The following KIF14 variants were observed in gnomAD, a reference collection of about 807,000 sequenced individuals.
KIF14 encodes kinesin family member 14, also known as kinesin-like protein KIF14.
KIF14 carries 98 observed loss-of-function variants against 176.2 expected under a neutral mutation model. That is an observed-to-expected ratio of 0.56 (90% CI 0.47 to 0.66). KIF14 has a LOEUF of 0.66. KIF14 is among the 30% of genes least tolerant of loss of function. KIF14 has a pLI of 0.00. For missense variants in KIF14, 1,751 were observed against 1,920.4 expected, an observed-to-expected ratio of 0.91 and a Z score of 1.65; for synonymous variants, 566 against 632.2, an observed-to-expected ratio of 0.90 and a Z score of 1.57.
chr1:200,565,761 C>T (rs1571467909), intron 23 of KIF14, 92 bp from the exon 24 acceptor site: 1 of 795,516 alleles, frequency 1.3e-6, no homozygotes, highest in Non-Finnish European at 2.0e-6. Flanking sequence ...TGTACTTCTG[C>T]ATTACTGAAA....
chr1:200,579,824 G>T (rs1345678591), intron 21 of KIF14, among the ~76,000 whole-genome samples: 6 of 152,092 alleles, frequency 3.9e-5, no homozygotes, highest in Non-Finnish European at 8.8e-5. Context: ...GCAGCAGGCA[G>T]TTGGAAGCAC....
At chr1:200,615,724 T>C in intron 2 of KIF14, 115 bp from the exon 3 acceptor site, 2 of 923,158 alleles carry the variant, frequency 2.2e-6, no homozygotes, top group East Asian at 2.7e-5. Flanking sequence ...GGCAAGATAA[T>C]TCTGTAGTTT....
intron 14 of KIF14, among the ~76,000 whole-genome samples, chr1:200,596,589 G>C (rs1170230765): frequency 9.3e-6 from 1 of 107,774 alleles, no homozygotes; most frequent in Non-Finnish European, 1.7e-5. Context: ...TTTTGAGTTA[G>C]AGTCTCACTC....
intron 16 of KIF14, among the ~76,000 whole-genome samples, chr1:200,590,673 C>G (rs935779134): frequency 1.1e-4 from 16 of 152,282 alleles, no homozygotes; most frequent in African/African-American, 3.8e-4. Flanking sequence ...TACAGAGTTT[C>G]AGTTTGGAAT....
chr1:200,592,521 G>A (rs753426934), intron 15 of KIF14, among the ~76,000 whole-genome samples: 8 of 152,050 alleles, frequency 5.3e-5, no homozygotes, highest in South Asian at 2.1e-4. Flanking sequence ...GATTACAGGC[G>A]TGTGCCACCA....
rs756478767 is a variant in KIF14 at position 200,600,123 on chromosome 1, G to A, written c.2301-10C>T. ...CTTTTCTTTCCACACTCTTTCCAAA[G>A]ACAAAGAAAATAACAGAGTTAAAAA... On this transcript the variant is annotated splice_polypyrimidine_tract_variant and intron_variant, in intron 12 of 29. Coordinates refer to ENST00000367350, the MANE Select transcript of KIF14 (RefSeq NM_014875.3). 18 of 1,584,046 alleles carry A rather than the reference G, an allele frequency of 1.1e-5. 1 individual carries two copies. The highest frequency in any genetic ancestry group is 6.7e-5 in the East Asian group (3 of 44,638).
At position 200,565,431 on chromosome 1, in the gene KIF14, G is replaced by A. The variant is rs555370060; in HGVS notation, c.3886+14C>T. The A allele has an allele frequency of 6.0e-4, 937 of 1,550,912 alleles. 17 individuals carry two copies. In the South Asian group the frequency reaches 0.011, roughly 18 times the overall value. On this transcript the variant is annotated intron_variant, in intron 24 of 29. Coordinates refer to ENST00000367350, the MANE Select transcript of KIF14 (RefSeq NM_014875.3). ...TCATTTATGTGAGTTAACAAAAGCA[G>A]TGAGATTGCTTACAGTTATCTTGAC...
chr1:200,555,545 C>A (rs1656789500), intron 27 of KIF14, 91 bp from the exon 28 acceptor site: 1 of 643,404 alleles, frequency 1.6e-6, no homozygotes, highest in Non-Finnish European at 2.4e-6. Flanking sequence ...TTAAAAAATT[C>A]TAGTCTAGAA....
At chr1:200,589,121 G>T in intron 18 of KIF14, 96 bp downstream of exon 18, 3 of 920,502 alleles carry the variant, frequency 3.3e-6, no homozygotes, top group Non-Finnish European at 4.9e-6. Context: ...ACCTGGATTT[G>T]GCTCTCTTCT....
At chr1:200,600,525 C>A in intron 11 of KIF14, 22 bp from the exon 12 acceptor site, 1 of 1,549,950 alleles carries the variant, frequency 6.5e-7, no homozygotes, top group South Asian at 1.1e-5. Context: ...TACAAAGATG[C>A]ATTAATAATA....
rs1659164149 is a variant in KIF14, at chr1:200,593,652, C to T, written c.2652+15G>A. ...AGTCGAACAGTTTCTTATATTATAGCACCCATCCACTTACATGACGTAATA... is the reference window on the plus strand; with the variant it reads ...AGTCGAACAGTTTCTTATATTATAGTACCCATCCACTTACATGACGTAATA... On this transcript the variant is annotated intron_variant, in intron 15 of 29. Transcript: ENST00000367350. 4.2e-6 allele frequency: 6 copies of T among 1,427,002 alleles called. No homozygotes were observed. The highest frequency in any genetic ancestry group is 9.9e-7 in the Non-Finnish European group (1 of 1,010,344). 88.4% of individuals were successfully genotyped at this position (1,427,002 alleles called of 1,614,324 possible).
chr1:200,566,773 A>G (rs536269417), intron 23 of KIF14, among the ~76,000 whole-genome samples: 1 of 152,146 alleles, frequency 6.6e-6, no homozygotes, highest in South Asian at 2.1e-4. Flanking sequence ...TGGTGGGATT[A>G]ATTTTCCCTA....
intron 18 of KIF14, among the ~76,000 whole-genome samples, chr1:200,587,159 G>A (rs906979665): frequency 2.0e-5 from 3 of 152,036 alleles, no homozygotes; most frequent in African/African-American, 7.2e-5. Context: ...TGAACTGTGT[G>A]CACTCCTGGT....
intron 6 of KIF14, among the ~76,000 whole-genome samples, chr1:200,606,282 C>A (rs1003602804): frequency 6.6e-6 from 1 of 152,070 alleles, no homozygotes; most frequent in Non-Finnish European, 1.5e-5. Flanking sequence ...TACTTAATAA[C>A]TTTTCCTTTC....
intron 3 of KIF14, among the ~76,000 whole-genome samples, chr1:200,614,737 C>T (rs1289211936): frequency 2.1e-5 from 3 of 143,778 alleles, no homozygotes; most frequent in Non-Finnish European, 3.0e-5. Flanking sequence ...GACCCCTCCA[C>T]GCTGTGGACT....
At chr1:200,608,773 T>C (rs553360453) in intron 5 of KIF14, 57 bp downstream of exon 5, 4 of 1,052,232 alleles carry the variant, frequency 3.8e-6, no homozygotes, top group East Asian at 5.0e-5. Flanking sequence ...CTCAAATAAT[T>C]AGATACATTT....
At chr1:200,604,754 G>A (rs570561911) in intron 8 of KIF14, among the ~76,000 whole-genome samples, 5 of 152,124 alleles carry the variant, frequency 3.3e-5, no homozygotes, top group Admixed American at 6.5e-5. Context: ...ATTTAATTGT[G>A]ATGGTAAAAA....
At chr1:200,568,825 C>A (rs1267572359) in intron 23 of KIF14, among the ~76,000 whole-genome samples, 1 of 151,992 alleles carries the variant, frequency 6.6e-6, no homozygotes, top group African/African-American at 2.4e-5. Context: ...TTCTTTCACT[C>A]AACATTATGT....
chr1:200,598,970 C>CATCAAT (rs1659498508), intron 13 of KIF14, among the ~76,000 whole-genome samples: 1 of 152,110 alleles, frequency 6.6e-6, no homozygotes, highest in Non-Finnish European at 1.5e-5. Context: ...TCTATCATCA[C>CATCAAT]CAAATTGTGT....
Sources: allele counts gnomAD v4.1 joint callset (sites outside exome capture counted in the v4.1 genomes callset), GRCh38; gene constraint gnomAD v4.1.1; transcripts MANE v1.5; gene names NCBI Gene and HGNC (gene_info 2026-07-23, HGNC 2026-07-21).